Variants in DENND5A observed in about 807,000 individuals in gnomAD.
DENND5A encodes DENN domain containing 5A, also known as DENN domain-containing protein 5A.
A neutral mutation model predicts 140.3 loss-of-function variants in DENND5A; 64 were observed. The observed-to-expected ratio is 0.46, with a 90% CI of 0.37 to 0.56. DENND5A has a LOEUF of 0.56. DENND5A is among the 20% of genes least tolerant of loss of function. DENND5A has a pLI of 0.00. For missense variants in DENND5A, 1,292 were observed against 1,593.8 expected (o/e 0.81, Z 3.22); for synonymous variants, 605 against 607.7 (o/e 1.00, Z 0.07).
At chr11:9,190,096 G>A (rs917349971) in intron 5 of DENND5A, among the ~76,000 whole-genome samples, 1 of 152,176 alleles carries the variant, frequency 6.6e-6, no homozygotes, top group Admixed American at 6.5e-5. Flanking sequence ...ATTTGGAATG[G>A]CAATATTTAT....
At chr11:9,165,765 C>T (rs1848168041) in intron 11 of DENND5A, 71 bp downstream of exon 11, 4 of 1,562,032 alleles carry the variant, frequency 2.6e-6, no homozygotes, top group South Asian at 1.1e-5. Flanking sequence ...AGGGAGTGGT[C>T]AGAGCCAATC....
At position 9,204,730 on chromosome 11, in the gene DENND5A, G is replaced by C. The variant is rs371537909; in HGVS notation, c.292-413C>G. ...ACACAAAAATTAACCAGGTGTGCTGGTGCACGCCTATAATCCCAGCCACTG... is the reference window on the plus strand; with the variant it reads ...ACACAAAAATTAACCAGGTGTGCTGCTGCACGCCTATAATCCCAGCCACTG... On this transcript the variant is annotated intron_variant, in intron 3 of 22. Transcript: ENST00000328194. Among the ~76,000 whole-genome samples the C allele has an allele frequency of 3.2e-4, 48 of 152,296 alleles. No homozygotes were observed. The East Asian group carries it at 5.4e-3, about 17-fold the overall frequency.
chr11:9,239,675 TG>T (rs775251854), intron 1 of DENND5A, among the ~76,000 whole-genome samples: 59 of 152,236 alleles, frequency 3.9e-4, no homozygotes, highest in South Asian at 6.2e-4. Context: ...TTGCCCAGGC[TG>T]GTCTCGAAAT....
chr11:9,246,193 T>A (rs1416831712), intron 1 of DENND5A, among the ~76,000 whole-genome samples: 1 of 151,970 alleles, frequency 6.6e-6, no homozygotes, highest in Non-Finnish European at 1.5e-5. Context: ...GCCAAAGAAG[T>A]CAGTGACAGA....
rs1352372988 is a variant in DENND5A, at chr11:9,145,059, G to A, written c.3058C>T (p.Leu1020=). The change falls in exon 18 of 23, where the codon CTG becomes TTG. Residue 1020 remains leucine, a synonymous_variant. Coordinates refer to ENST00000328194, the MANE Select transcript of DENND5A (RefSeq NM_015213.4). The part of the protein sequence containing the change: ...TVQIGHDNSG[L]YAKWLVEYVM... ...TACTCCACCAGCCATTTGGCATACA[G>A]CCCAGAGTTATCATGGCCAATCTGG... is the stretch of plus-strand genomic sequence containing the variant. 1 of 1,614,110 alleles carries A rather than the reference G, an allele frequency of 6.2e-7. No homozygotes were observed. The highest frequency in any genetic ancestry group is 1.1e-5 in the South Asian group (1 of 91,084).
chr11:9,225,464 A>G (rs1438889835), intron 1 of DENND5A, among the ~76,000 whole-genome samples: 1 of 152,184 alleles, frequency 6.6e-6, no homozygotes, highest in Non-Finnish European at 1.5e-5. Context: ...TTGGCTCTTA[A>G]TAATAATAGT....
intron 1 of DENND5A, among the ~76,000 whole-genome samples, chr11:9,237,616 T>C (rs1462748501): frequency 1.3e-5 from 2 of 152,190 alleles, no homozygotes; most frequent in Non-Finnish European, 2.9e-5. Flanking sequence ...AGGTGCAGTG[T>C]GGCACATGCC....
chr11:9,145,137 G>A, intron 17 of DENND5A, 24 bp from the exon 18 acceptor site: 1 of 1,531,268 alleles, frequency 6.5e-7, no homozygotes, highest in Non-Finnish European at 9.1e-7. Context: ...GAGAAGATGA[G>A]GTAGGTCAGG....
At chr11:9,264,821 C>T (rs1285346488) in intron 1 of DENND5A, 140 bp downstream of exon 1, 2 of 694,284 alleles carry the variant, frequency 2.9e-6, no homozygotes, top group Non-Finnish European at 4.7e-6. Context: ...TCCAAAGCCC[C>T]CTTCGCCCGC....
At position 9,169,857 on chromosome 11, in the gene DENND5A, T is replaced by C. The variant is rs1480436969; in HGVS notation, c.2150A>G (p.Glu717Gly). The change falls in exon 10 of 23, where the codon GAG (glutamate) becomes GGG (glycine). Residue 717 changes from glutamate to glycine, a missense_variant and splice_region_variant. By Grantham distance (98) the Glu-to-Gly change is moderately conservative (BLOSUM62 -2). Transcript: ENST00000328194. ...CTTATCATTCTTAAGGTATCTTACC[T>C]CCCTCTGGTCATTATCTAAACGCAG... ...EHLRLDNDQR[E>G]KYIQEARTMG... The C allele has an allele frequency of 6.3e-7, 1 of 1,594,356 alleles. No individual in the cohort carries two copies. The highest frequency in any genetic ancestry group is 1.1e-5 in the South Asian group (1 of 90,630).
chr11:9,260,791 G>A (rs919789347), intron 1 of DENND5A, among the ~76,000 whole-genome samples: 1 of 152,170 alleles, frequency 6.6e-6, no homozygotes, highest in Non-Finnish European at 1.5e-5. Context: ...AATTACCTCA[G>A]TCTATATTAA....
At chr11:9,264,858 C>T in intron 1 of DENND5A, 103 bp downstream of exon 1, 2 of 1,095,934 alleles carry the variant, frequency 1.8e-6, no homozygotes, top group Non-Finnish European at 2.6e-6. Flanking sequence ...CCGGCCGACA[C>T]TCGCCCGGCT....
At chr11:9,170,370 T>C (rs1848329645) in intron 9 of DENND5A, 1 of 830,800 alleles carries the variant, frequency 1.2e-6, no homozygotes, top group Non-Finnish European at 1.5e-6. Flanking sequence ...CATGAGATGA[T>C]TTTAACCCAT....
intron 1 of DENND5A, among the ~76,000 whole-genome samples, chr11:9,234,778 G>C (rs6486226): frequency 0.035 from 5,366 of 152,064 alleles, 320 homozygotes; most frequent in African/African-American, 0.12. Context: ...CCTTTATTTC[G>C]GCCCATCCCT....
intron 16 of DENND5A, among the ~76,000 whole-genome samples, chr11:9,146,191 A>G (rs1490789772): frequency 6.6e-6 from 1 of 152,204 alleles, no homozygotes; most frequent in African/African-American, 2.4e-5. Flanking sequence ...TAACAATCAT[A>G]ATCTTTGGAG....
intron 1 of DENND5A, among the ~76,000 whole-genome samples, chr11:9,247,767 T>C (rs1414795651): frequency 6.6e-6 from 1 of 152,152 alleles, no homozygotes; most frequent in Non-Finnish European, 1.5e-5. Flanking sequence ...TTAAAAGGTA[T>C]CCAACTCTTA....
In DENND5A at chr11:9,169,210, G is replaced by C. The variant is rs558192982; in HGVS notation, c.2151+646C>G. On this transcript the variant is annotated intron_variant, in intron 10 of 22. Coordinates refer to ENST00000328194, the MANE Select transcript of DENND5A (RefSeq NM_015213.4). ...ACCTATAATCCCAGCACTTTGCGGG[G>C]ATGAGGCAGGCGGATTACCTGAGGT... is the stretch of plus-strand genomic sequence containing the variant. Among the ~76,000 whole-genome samples the C allele has an allele frequency of 2.0e-5, 3 of 152,318 alleles. No homozygotes were observed. The South Asian group carries it at 6.2e-4, about 32-fold the overall frequency.
chr11:9,252,852 A>ATTT (rs576567620), intron 1 of DENND5A, among the ~76,000 whole-genome samples: 29,783 of 143,900 alleles, frequency 0.21, 3,213 homozygotes, highest in African/African-American at 0.25. Context: ...CAGCAACAGG[A>ATTT]TTTTTTTTTT....
intron 1 of DENND5A, among the ~76,000 whole-genome samples, chr11:9,219,018 T>C (rs930764720): frequency 4.0e-5 from 6 of 151,512 alleles, no homozygotes; most frequent in South Asian, 2.1e-4. Context: ...AAAAAATAAA[T>C]AAACAAATAA....
Sources: allele counts gnomAD v4.1 joint callset (sites outside exome capture counted in the v4.1 genomes callset), GRCh38; gene constraint gnomAD v4.1.1; transcripts MANE v1.5; gene names NCBI Gene and HGNC (gene_info 2026-07-23, HGNC 2026-07-21).